The following PHKB variants were observed in gnomAD, a reference collection of about 807,000 sequenced individuals.
PHKB encodes the protein phosphorylase kinase regulatory subunit beta.
Under a neutral mutation model 152.1 loss-of-function variants are expected in PHKB, and 122 were observed. The ratio of observed to expected loss-of-function variants is 0.80; its 90% CI spans 0.69 to 0.93. The LOEUF (loss-of-function observed/expected upper bound fraction) is 0.93, where lower values mean the gene tolerates loss of function less well. PHKB is among the 40% of genes least tolerant of loss of function. The probability of loss-of-function intolerance (pLI) is 0.00; values close to 1 mark genes in which losing one functional copy is unlikely to be tolerated. For synonymous variants in PHKB, 436 were observed against 464.9 expected (o/e 0.94, Z 0.80); for missense variants, 1,304 against 1,328.4 (o/e 0.98, Z 0.29).
chr16:47,576,066 A>G (rs1474573188), intron 7 of PHKB, among the ~76,000 whole-genome samples: 3 of 152,100 alleles, frequency 2.0e-5, no homozygotes, highest in African/African-American at 4.8e-5. Flanking sequence ...ACAAGAGCGA[A>G]ACTCTGTCTC....
At chr16:47,583,709 A>G (rs952752091) in intron 8 of PHKB, among the ~76,000 whole-genome samples, 7 of 152,208 alleles carry the variant, frequency 4.6e-5, no homozygotes, top group Non-Finnish European at 1.0e-4. Context: ...CCAGGAGTAA[A>G]ACCAATGCCA....
At chr16:47,564,312 G>A (rs188156221) in intron 7 of PHKB, among the ~76,000 whole-genome samples, 21 of 151,916 alleles carry the variant, frequency 1.4e-4, no homozygotes, top group African/African-American at 3.1e-4. Context: ...AAGTGTTCCC[G>A]TTTCACTGCA....
chr16:47,621,928 A>G (rs1466315801), intron 14 of PHKB, among the ~76,000 whole-genome samples: 4 of 152,216 alleles, frequency 2.6e-5, no homozygotes. Flanking sequence ...GGAAGTCAAA[A>G]AAATGAGCTT....
intron 6 of PHKB, among the ~76,000 whole-genome samples, chr16:47,521,683 A>G (rs542675409): frequency 6.6e-6 from 1 of 152,032 alleles, no homozygotes; most frequent in Non-Finnish European, 1.5e-5. Flanking sequence ...GAAAAGAAAA[A>G]TGTTATCTGT....
chr16:47,559,074 G>A (rs1238418581), intron 7 of PHKB, among the ~76,000 whole-genome samples: 3 of 152,122 alleles, frequency 2.0e-5, no homozygotes, highest in Non-Finnish European at 1.5e-5. Flanking sequence ...AAGTTTTATG[G>A]TATTACTGGG....
At chr16:47,465,568 T>A (rs181820678) in intron 1 of PHKB, among the ~76,000 whole-genome samples, 120 of 152,348 alleles carry the variant, frequency 7.9e-4, no homozygotes, top group Middle Eastern at 3.4e-3. Context: ...TATACATTAC[T>A]TTCAATGTTG....
At chr16:47,500,278 C>T (rs1336500221) in intron 3 of PHKB, among the ~76,000 whole-genome samples, 7 of 152,164 alleles carry the variant, frequency 4.6e-5, no homozygotes, top group African/African-American at 1.7e-4. Context: ...AAGTGATCTG[C>T]CAGCCTTGGC....
intron 30 of PHKB, 57 bp downstream of exon 30, chr16:47,698,645 T>C: frequency 7.9e-7 from 1 of 1,260,214 alleles, no homozygotes; most frequent in Non-Finnish European, 1.1e-6. Context: ...ATTGTCTCAA[T>C]TCTTTAAAAT....
At chr16:47,538,398 A>G (rs993977974) in intron 6 of PHKB, among the ~76,000 whole-genome samples, 7 of 152,192 alleles carry the variant, frequency 4.6e-5, no homozygotes, top group Admixed American at 4.6e-4. Flanking sequence ...TTCAAAATTT[A>G]AAAAAGTTTA....
intron 5 of PHKB, among the ~76,000 whole-genome samples, chr16:47,512,915 C>G (rs1034832931): frequency 3.3e-5 from 5 of 152,312 alleles, no homozygotes; most frequent in African/African-American, 1.2e-4. Context: ...CTTCTCTAAA[C>G]ACAGAAAGTG....
At chr16:47,558,523 C>G (rs1163769118) in intron 7 of PHKB, among the ~76,000 whole-genome samples, 3 of 152,094 alleles carry the variant, frequency 2.0e-5, no homozygotes, top group African/African-American at 7.2e-5. Context: ...TACTCTAGTT[C>G]AGATACAGTA....
At chr16:47,518,095 C>A (rs1294913262) in intron 6 of PHKB, among the ~76,000 whole-genome samples, 2 of 152,118 alleles carry the variant, frequency 1.3e-5, no homozygotes, top group East Asian at 3.8e-4. Flanking sequence ...TAGTTCATAA[C>A]CCTACCACAT....
At chr16:47,528,037 G>A (rs1205012269) in intron 6 of PHKB, among the ~76,000 whole-genome samples, 2 of 152,182 alleles carry the variant, frequency 1.3e-5, no homozygotes, top group Non-Finnish European at 2.9e-5. Context: ...CAAAGAAGTA[G>A]TTACTGTAAG....
At chr16:47,564,141 C>T (rs1971524598) in intron 7 of PHKB, among the ~76,000 whole-genome samples, 1 of 151,724 alleles carries the variant, frequency 6.6e-6, no homozygotes, top group Admixed American at 6.6e-5. Flanking sequence ...TAAATATACA[C>T]ATGCAGGTAT....
intron 14 of PHKB, among the ~76,000 whole-genome samples, chr16:47,629,298 A>C (rs1319715441): frequency 6.6e-6 from 1 of 152,144 alleles, no homozygotes; most frequent in African/African-American, 2.4e-5. Context: ...AATATCCAGA[A>C]TCTACAATGA....
At chr16:47,633,391 C>T (rs940435877) in intron 14 of PHKB, among the ~76,000 whole-genome samples, 1 of 152,104 alleles carries the variant, frequency 6.6e-6, no homozygotes, top group African/African-American at 2.4e-5. Flanking sequence ...GTTCCTACAT[C>T]CTAAGTGAGA....
chr16:47,644,817 T>C (rs1973087524), intron 16 of PHKB, among the ~76,000 whole-genome samples: 1 of 152,190 alleles, frequency 6.6e-6, no homozygotes, highest in Admixed American at 6.5e-5. Context: ...GATTGACAAA[T>C]ACTGTATAAC....
intron 6 of PHKB, among the ~76,000 whole-genome samples, chr16:47,519,820 C>T (rs549000675): frequency 1.3e-5 from 2 of 152,176 alleles, no homozygotes; most frequent in African/African-American, 4.8e-5. Flanking sequence ...AGTTGAACTT[C>T]GTTAGAGAGA....
At chr16:47,489,513 C>T (rs1358320513) in intron 1 of PHKB, among the ~76,000 whole-genome samples, 4 of 152,172 alleles carry the variant, frequency 2.6e-5, no homozygotes, top group Non-Finnish European at 2.9e-5. Flanking sequence ...AGATTGGTTT[C>T]GATGGAACTC....
Sources: gnomAD v4.1 joint callset for allele counts (sites outside exome capture counted in the v4.1 genomes callset) on GRCh38, gnomAD v4.1.1 for gene constraint, MANE v1.5 for transcripts, NCBI Gene and HGNC (gene_info 2026-07-23, HGNC 2026-07-21) for gene names.